CUL1: variants seen among roughly 807,000 people sequenced by gnomAD.
CUL1 encodes the protein cullin-1.
In CUL1, 24 loss-of-function variants were observed where a neutral mutation model predicts 118.0. The observed-to-expected ratio is 0.20, with a 90% CI of 0.15 to 0.29. The LOEUF (loss-of-function observed/expected upper bound fraction) is 0.29. Ranked by LOEUF, CUL1 falls within the 10% of genes least tolerant of loss-of-function variation. CUL1 has a pLI of 1.00. For synonymous variants in CUL1, 332 were observed against 340.4 expected, an observed-to-expected ratio of 0.98 and a Z score of 0.27; for missense variants, 361 against 933.8, an observed-to-expected ratio of 0.39 and a Z score of 7.99.
At position 148,703,967 on chromosome 7, in the gene CUL1, A is replaced by C. The variant is rs536078516; in HGVS notation, c.-162+4938A>C. On this transcript the variant is annotated intron_variant, in intron 1 of 21. Coordinates refer to ENST00000325222, the MANE Select transcript of CUL1 (RefSeq NM_003592.3). ...CGATCTCAAGATGGAGAAGACCTAGATATAACACCAAGCACGGGAACTGTA... is the reference window on the plus strand; with the variant it reads ...CGATCTCAAGATGGAGAAGACCTAGCTATAACACCAAGCACGGGAACTGTA... 2.8e-4 allele frequency among the ~76,000 whole-genome samples: 43 copies of C among 152,366 alleles called. 1 individual carries two copies. In the South Asian group the frequency reaches 8.9e-3, roughly 32 times the overall value.
intron 9 of CUL1, chr7:148,783,271 C>G: frequency 3.2e-6 from 3 of 946,604 alleles, no homozygotes; most frequent in African/African-American, 1.8e-5. Flanking sequence ...TGCGATGAGG[C>G]CCTGGCCCCC....
chr7:148,760,893 A>G (rs1046267011), intron 7 of CUL1, among the ~76,000 whole-genome samples: 3 of 152,232 alleles, frequency 2.0e-5, no homozygotes, highest in Admixed American at 2.0e-4. Context: ...CATAGCTTTC[A>G]TGATTATATT....
chr7:148,792,243 T>C (rs1420415672), intron 16 of CUL1, among the ~76,000 whole-genome samples: 1 of 152,238 alleles, frequency 6.6e-6, no homozygotes, highest in Non-Finnish European at 1.5e-5. Context: ...TACTTACTTT[T>C]TTCATACTTT....
intron 1 of CUL1, among the ~76,000 whole-genome samples, chr7:148,717,528 CTCTCTT>C (rs1798253408): frequency 6.6e-6 from 1 of 151,968 alleles, no homozygotes; most frequent in African/African-American, 2.4e-5. Flanking sequence ...TCTTGGGCCT[CTCTCTT>C]TCCATTGCTG....
intron 2 of CUL1, among the ~76,000 whole-genome samples, chr7:148,738,858 G>C (rs1470767981): frequency 1.3e-5 from 2 of 152,046 alleles, no homozygotes; most frequent in East Asian, 3.9e-4. Flanking sequence ...TTCTCCTAAA[G>C]ATTAGTCATA....
intron 2 of CUL1, among the ~76,000 whole-genome samples, chr7:148,744,198 C>T (rs1799234691): frequency 6.6e-6 from 1 of 152,088 alleles, no homozygotes; most frequent in South Asian, 2.1e-4. Context: ...TGCTTTGCCC[C>T]TTCTGACCAT....
chr7:148,800,414 G>A lies in CUL1; in HGVS notation c.2251-88G>A, dbSNP rs1801348702. ...CTGAGCTCCGAATCAGGGGAGATTT[G>A]TGGTGGGGGCAGCCTCTCTCTGTTC... On this transcript the variant is annotated intron_variant, in intron 21 of 21. Transcript: ENST00000325222. This position sits in a 1 kb window ranked among gnomAD's most constrained non-coding sequence, Gnocchi z 4.6. 9.7e-7 allele frequency: 1 copy of A among 1,032,478 alleles called. No homozygotes were observed. Among genetic ancestry groups the A allele is most frequent in the East Asian group, 2.4e-5 (1 of 41,410 alleles). 64.0% of individuals were successfully genotyped at this position (1,032,478 alleles called of 1,614,324 possible).
chr7:148,710,806 G>C (rs1372994924), intron 1 of CUL1, among the ~76,000 whole-genome samples: 1 of 151,886 alleles, frequency 6.6e-6, no homozygotes, highest in East Asian at 1.9e-4. Context: ...TAGGATTAAA[G>C]GCGCCCACCA....
At chr7:148,799,245 G>A (rs749699501) in intron 20 of CUL1, 30 bp from the exon 21 acceptor site, 1 of 1,538,132 alleles carries the variant, frequency 6.5e-7, no homozygotes, top group East Asian at 2.2e-5. Context: ...AGCTCTAAAT[G>A]CACTTCTTTT....
At chr7:148,698,062 G>A (rs941005181), upstream of CUL1, 19 of 152,218 alleles carry the variant, frequency 1.2e-4, no homozygotes, top group African/African-American at 4.6e-4. Flanking sequence ...GCCTAGTTAG[G>A]TTTTATCTTA....
intron 1 of CUL1, among the ~76,000 whole-genome samples, chr7:148,716,657 G>T (rs914567725): frequency 6.6e-6 from 1 of 152,146 alleles, no homozygotes; most frequent in African/African-American, 2.4e-5. Context: ...CTACACTTAC[G>T]TGTTAGTATT....
At chr7:148,727,726 A>G (rs554186356) in intron 1 of CUL1, among the ~76,000 whole-genome samples, 60 of 152,200 alleles carry the variant, frequency 3.9e-4, no homozygotes, top group Middle Eastern at 3.4e-3. Context: ...AAGCAGTAGC[A>G]GATGCAGAGA....
intron 9 of CUL1, among the ~76,000 whole-genome samples, chr7:148,783,041 G>T (rs562218869): frequency 1.3e-5 from 2 of 152,166 alleles, no homozygotes; most frequent in Non-Finnish European, 2.9e-5. Context: ...GGGCTTTCGC[G>T]GTCTCATGAA....
In CUL1 at chr7:148,792,783, G is replaced by C. The variant is rs766907724; in HGVS notation, c.1864G>C (p.Val622Leu). The change falls in exon 17 of 22, where the codon GTG becomes CTG. Residue 622 changes from valine (V) to leucine (L), a missense_variant. Val to Leu is a conservative substitution (Grantham distance 32, BLOSUM62 1). This residue lies in a region of CUL1 where 84 missense variants were observed against 203.3 expected (regional missense o/e 0.41). Coordinates refer to ENST00000325222, the MANE Select transcript of CUL1 (RefSeq NM_003592.3). Reference sequence around the variant, plus strand: ...GTACAACACGGAAGATGCCTACACTGTGCAGCAGCTGACCGACAGCACTCA... The same window carrying C: ...GTACAACACGGAAGATGCCTACACTCTGCAGCAGCTGACCGACAGCACTCA... ...LQYNTEDAYT[V>L]QQLTDSTQIK... 4 of 1,613,232 alleles carry C rather than the reference G, an allele frequency of 2.5e-6. No individual in the cohort carries two copies. The highest frequency in any genetic ancestry group is 1.7e-6 in the Non-Finnish European group (2 of 1,179,650).
At chr7:148,769,914 T>A (rs1421891829) in intron 9 of CUL1, among the ~76,000 whole-genome samples, 22 of 152,202 alleles carry the variant, frequency 1.4e-4, no homozygotes, top group Admixed American at 1.4e-3. Context: ...TTTTTCAGTT[T>A]TATAGGAAAG....
chr7:148,781,496 C>A (rs1040493499), intron 9 of CUL1, among the ~76,000 whole-genome samples: 2 of 152,228 alleles, frequency 1.3e-5, no homozygotes, highest in African/African-American at 4.8e-5. Context: ...GACTTCTTTA[C>A]TCCTGGAGAT....
At chr7:148,745,235 T>C (rs1584785679) in intron 2 of CUL1, among the ~76,000 whole-genome samples, 1 of 152,320 alleles carries the variant, frequency 6.6e-6, no homozygotes, top group Non-Finnish European at 1.5e-5. Flanking sequence ...GTGCTGCAAT[T>C]TTCATTGATT....
chr7:148,721,446 T>A (rs1212627252), intron 1 of CUL1, among the ~76,000 whole-genome samples: 4 of 152,132 alleles, frequency 2.6e-5, no homozygotes, highest in South Asian at 4.1e-4. Flanking sequence ...AGTGTACCTG[T>A]CTCTCAGCTT....
At chr7:148,784,226 G>A (rs934964794) in intron 11 of CUL1, 149 bp downstream of exon 11, 58 of 668,410 alleles carry the variant, frequency 8.7e-5, no homozygotes, top group Non-Finnish European at 1.2e-4. Flanking sequence ...CGTCCTTGCC[G>A]TTGAAAATCT....
Sources: gnomAD v4.1 joint callset for allele counts (sites outside exome capture counted in the v4.1 genomes callset) on GRCh38, gnomAD v4.1.1 for gene constraint, gnomAD v4.1.1 regional missense constraint, Gnocchi (gnomAD v3.1) non-coding constraint, MANE v1.5 for transcripts, NCBI Gene and HGNC (gene_info 2026-07-23, HGNC 2026-07-21) for gene names.